Variants in RFX7 observed in about 807,000 individuals in gnomAD.
The protein encoded by RFX7 is regulatory factor X7.
A neutral mutation model predicts 111.8 loss-of-function variants in RFX7; 26 were observed. The observed-to-expected ratio is 0.23, with a 90% CI of 0.17 to 0.32. RFX7 has a LOEUF of 0.32. Among genes scored for constraint, RFX7 ranks in the 10% least tolerant of loss-of-function variants. RFX7 has a pLI of 1.00. For synonymous variants in RFX7, 624 were observed against 624.4 expected (o/e 1.00, Z 0.01); for missense variants, 1,573 against 1,772.9 (o/e 0.89, Z 2.02).
At chr15:56,124,421 C>T (rs2042116388) in intron 5 of RFX7, among the ~76,000 whole-genome samples, 1 of 140,932 alleles carries the variant, frequency 7.1e-6, no homozygotes, top group Non-Finnish European at 1.6e-5. Context: ...GACTCAGTCT[C>T]CGAAAAAAAA....
At chr15:56,143,258 A>G (rs1202523525) in intron 4 of RFX7, among the ~76,000 whole-genome samples, 1 of 152,048 alleles carries the variant, frequency 6.6e-6, no homozygotes, top group African/African-American at 2.4e-5. Flanking sequence ...TTATATAAAA[A>G]TTGCTTATTT....
intron 2 of RFX7, among the ~76,000 whole-genome samples, chr15:56,193,667 G>C (rs1445226531): frequency 6.6e-6 from 1 of 152,008 alleles, no homozygotes; most frequent in Admixed American, 6.6e-5. Context: ...AATCTTTCAA[G>C]ATTTACATCT....
intron 5 of RFX7, among the ~76,000 whole-genome samples, chr15:56,112,560 A>C (rs1363460280): frequency 6.6e-6 from 1 of 152,194 alleles, no homozygotes; most frequent in Non-Finnish European, 1.5e-5. Flanking sequence ...TCCTAGAAGA[A>C]AATCTAGGCA....
intron 5 of RFX7, among the ~76,000 whole-genome samples, chr15:56,138,716 G>A (rs1356561655): frequency 6.6e-6 from 1 of 152,230 alleles, no homozygotes; most frequent in South Asian, 2.1e-4. Context: ...AGTCTTGATG[G>A]TCTTTACATT....
chr15:56,171,272 A>T (rs2042842259), intron 3 of RFX7, among the ~76,000 whole-genome samples: 1 of 152,126 alleles, frequency 6.6e-6, no homozygotes, highest in Admixed American at 6.5e-5. Context: ...ATGATAGGAT[A>T]ATGACCCCAG....
intron 5 of RFX7, among the ~76,000 whole-genome samples, chr15:56,133,907 T>C (rs2042251528): frequency 6.6e-6 from 1 of 152,188 alleles, no homozygotes; most frequent in Non-Finnish European, 1.5e-5. Flanking sequence ...TCCTAGCACA[T>C]GTCATGTTGT....
chr15:56,174,407 A>T (rs1479818800), intron 3 of RFX7, among the ~76,000 whole-genome samples: 1 of 152,196 alleles, frequency 6.6e-6, no homozygotes, highest in Non-Finnish European at 1.5e-5. Context: ...GTGATAATAG[A>T]GAAACAAACT....
intron 2 of RFX7, among the ~76,000 whole-genome samples, chr15:56,232,472 T>C (rs954355900): frequency 1.7e-4 from 26 of 152,210 alleles, no homozygotes; most frequent in Admixed American, 1.0e-3. Context: ...GGGGCTGCTA[T>C]GAAGACCTCT....
chr15:56,183,828 C>T (rs2043003258), intron 2 of RFX7, among the ~76,000 whole-genome samples: 1 of 131,454 alleles, frequency 7.6e-6, no homozygotes. Context: ...TGATAATTTG[C>T]ATTTTTTTAA....
At position 56,126,252 on chromosome 15, in the gene RFX7, C is replaced by A. The variant is rs2042144033; in HGVS notation, c.401+16526G>T. ...CAATGGAAAATCCCTGGAAATTAAC[C>A]AAAGACCTGCAGCAAACTGGGTAGC... On this transcript the variant is annotated intron_variant, in intron 5 of 9. Coordinates refer to ENST00000559447, the MANE Select transcript of RFX7 (RefSeq NM_022841.7). Among the ~76,000 whole-genome samples, 4 of 152,112 alleles carry A rather than the reference C, an allele frequency of 2.6e-5. No homozygotes were observed. In the South Asian group the frequency reaches 8.3e-4, roughly 32 times the overall value.
At chr15:56,142,628 C>T in intron 5 of RFX7, 150 bp downstream of exon 5, 1 of 669,882 alleles carries the variant, frequency 1.5e-6, no homozygotes, top group South Asian at 2.3e-5. Context: ...ACTACAGAAG[C>T]TTAGAGCTGG....
intron 2 of RFX7, among the ~76,000 whole-genome samples, chr15:56,213,015 A>G (rs1220044437): frequency 1.3e-5 from 2 of 152,222 alleles, no homozygotes; most frequent in Non-Finnish European, 1.5e-5. Context: ...GAGAGTGTCA[A>G]TGCCAAATAC....
chr15:56,120,634 A>T (rs1394504570), intron 5 of RFX7, among the ~76,000 whole-genome samples: 1 of 152,100 alleles, frequency 6.6e-6, no homozygotes, highest in Non-Finnish European at 1.5e-5. Flanking sequence ...TCTGTCATAT[A>T]TGTCTTTTAT....
intron 2 of RFX7, among the ~76,000 whole-genome samples, chr15:56,231,508 G>C (rs995922138): frequency 6.6e-6 from 1 of 152,018 alleles, no homozygotes; most frequent in Non-Finnish European, 1.5e-5. Context: ...ACAGTATGGG[G>C]GAAAATCGTC....
At chr15:56,216,302 GAACT>G (rs2043362351) in intron 2 of RFX7, among the ~76,000 whole-genome samples, 3 of 152,104 alleles carry the variant, frequency 2.0e-5, no homozygotes, top group South Asian at 4.1e-4. Flanking sequence ...AATTTTTAAA[GAACT>G]AACTCCATTT....
chr15:56,205,861 TAAAAA>T (rs568571729), intron 2 of RFX7, among the ~76,000 whole-genome samples: 1 of 152,082 alleles, frequency 6.6e-6, no homozygotes, highest in Non-Finnish European at 1.5e-5. Flanking sequence ...ACTCACAGGT[TAAAAA>T]AAGAGATACC....
chr15:56,231,809 T>C (rs1167659343), intron 2 of RFX7, among the ~76,000 whole-genome samples: 2 of 152,162 alleles, frequency 1.3e-5, no homozygotes, highest in Non-Finnish European at 2.9e-5. Context: ...AGTTACTTCC[T>C]AGATACAATG....
intron 3 of RFX7, among the ~76,000 whole-genome samples, chr15:56,148,696 T>C (rs554093536): frequency 6.6e-6 from 1 of 152,212 alleles, no homozygotes; most frequent in Non-Finnish European, 1.5e-5. Flanking sequence ...CTCACCTACA[T>C]TTCTCAGTCC....
At position 56,095,916 on chromosome 15, in the gene RFX7, A is replaced by G; in HGVS notation, c.1812T>C (p.Ser604=). 1 of 1,605,646 alleles carries G rather than the reference A, an allele frequency of 6.2e-7. No homozygotes were observed. Among genetic ancestry groups the G allele is most frequent in the Non-Finnish European group, 8.5e-7 (1 of 1,179,778 alleles). Residue 604 remains serine, a synonymous_variant, in exon 10 of 10, where the codon AGT becomes AGC. Transcript: ENST00000559447. ...TGCCTGGCAGCATTTCATTACAGCG[A>G]CTTTTACATTTGGTCCTCTGGTCAC... The part of the protein sequence containing the change: ...KVCDQRTKCK[S]RCNEMLPGTS...
Sources: allele counts gnomAD v4.1 joint callset (sites outside exome capture counted in the v4.1 genomes callset), GRCh38; gene constraint gnomAD v4.1.1; transcripts MANE v1.5; gene names NCBI Gene and HGNC (gene_info 2026-07-23, HGNC 2026-07-21).